DAW1: variants seen among roughly 807,000 people sequenced by gnomAD.
The protein encoded by DAW1 is dynein assembly factor with WD repeat domains 1.
Under a neutral mutation model 56.5 loss-of-function variants are expected in DAW1, and 47 were observed. The observed-to-expected ratio is 0.83, with a 90% confidence interval of 0.66 to 1.06. DAW1 has a LOEUF of 1.06. Among genes scored for constraint, DAW1 ranks in the 50% least tolerant of loss-of-function variants. The pLI is 0.00. For synonymous variants in DAW1, 190 were observed against 179.0 expected (o/e 1.06, Z -0.49); for missense variants, 505 against 499.3 (o/e 1.01, Z -0.11).
At chr2:227,919,211 A>C (rs199573485) in intron 11 of DAW1, among the ~76,000 whole-genome samples, 3 of 4,960 alleles carry the variant, frequency 6.0e-4, no homozygotes, top group South Asian at 9.8e-3. Flanking sequence ...AAAAAAAAGA[A>C]AAAAAAAAAA....
rs1402633153 is a variant in DAW1, at chr2:227,918,835, T to A, written c.1029T>A (p.Gly343=). The A allele has an allele frequency of 1.2e-5, 20 of 1,613,918 alleles. No individual in the cohort carries two copies. Among genetic ancestry groups the A allele is most frequent in the Non-Finnish European group, 1.2e-5 (14 of 1,179,998 alleles). ...GAAAATGCATTGCCAAACTGGAAGG[T>A]CATGAAGGTGAAATTTCAAAGGTGA... ...ATRKCIAKLE[G]HEGEISKISF... Residue 343 remains glycine, a synonymous_variant, in exon 11 of 13, where the codon GGT becomes GGA. Transcript: ENST00000309931.
At chr2:227,885,887 C>A (rs776546658) in intron 2 of DAW1, among the ~76,000 whole-genome samples, 1 of 152,080 alleles carries the variant, frequency 6.6e-6, no homozygotes, top group Non-Finnish European at 1.5e-5. Flanking sequence ...GACATTTAGC[C>A]ATCATGTGTC....
chr2:227,873,957 A>G (rs1457655372), intron 1 of DAW1, among the ~76,000 whole-genome samples: 1 of 152,226 alleles, frequency 6.6e-6, no homozygotes, highest in East Asian at 1.9e-4. Flanking sequence ...CTGGGATTAC[A>G]GATGTGAGCC....
At chr2:227,878,218 C>G (rs1053540282) in intron 1 of DAW1, among the ~76,000 whole-genome samples, 3 of 152,156 alleles carry the variant, frequency 2.0e-5, no homozygotes, top group Non-Finnish European at 4.4e-5. Context: ...TTTATTTACT[C>G]AAGCATTTAT....
At position 227,921,524 on chromosome 2, in the gene DAW1, A is replaced by G; in HGVS notation, c.1176A>G (p.Ser392=). The change falls in exon 12 of 13, where the codon TCA becomes TCG. Residue 392 remains serine, a synonymous_variant. Coordinates refer to ENST00000309931, the MANE Select transcript of DAW1 (RefSeq NM_178821.3). ...AGGGGCACACTGATGAAATCTTTTC[A>G]TGTGCTTTCAACTATAAAGGCAACA... ...VLEGHTDEIF[S]CAFNYKGNIV... The G allele has an allele frequency of 6.2e-7, 1 of 1,613,836 alleles. No homozygotes were observed. Among genetic ancestry groups the G allele is most frequent in the East Asian group, 2.2e-5 (1 of 44,852 alleles).
intron 10 of DAW1, chr2:227,912,470 G>T: frequency 7.7e-7 from 1 of 1,303,778 alleles, no homozygotes. Context: ...CAACAATATG[G>T]TATGCTACAT....
At chr2:227,910,121 G>C (rs1182077136) in intron 10 of DAW1, among the ~76,000 whole-genome samples, 1 of 152,062 alleles carries the variant, frequency 6.6e-6, no homozygotes, top group Non-Finnish European at 1.5e-5. Context: ...ATTGTACTAT[G>C]ACAATTTCCT....
rs751761284 is a variant in DAW1 at position 227,891,332 on chromosome 2, G to A, written c.317+19G>A. ...GCTCATGGTAAGATTCTCTTTTTAT[G>A]TCTAATTTTTAGCAGTGAAACAAAT... On this transcript the variant is annotated intron_variant, in intron 4 of 12. Coordinates refer to ENST00000309931, the MANE Select transcript of DAW1 (RefSeq NM_178821.3). 3.1e-6 allele frequency: 5 copies of A among 1,607,922 alleles called. No individual in the cohort carries two copies. In the African/African-American group the frequency reaches 5.4e-5, roughly 17 times the overall value.
intron 2 of DAW1, among the ~76,000 whole-genome samples, chr2:227,889,319 A>G (rs6707569): frequency 0.53 from 80,634 of 151,946 alleles, 21,679 homozygotes; most frequent in Admixed American, 0.62. Context: ...CAAGTTTGGC[A>G]TCTGATGAGG....
At chr2:227,916,903 A>C (rs967288857) in intron 10 of DAW1, among the ~76,000 whole-genome samples, 1 of 152,206 alleles carries the variant, frequency 6.6e-6, no homozygotes, top group Admixed American at 6.5e-5. Flanking sequence ...ATTGATGATC[A>C]TGTATGATGC....
intron 4 of DAW1, 129 bp downstream of exon 4, chr2:227,891,442 A>C: frequency 1.3e-6 from 1 of 746,970 alleles, no homozygotes. Flanking sequence ...TTGGATACTG[A>C]GGAGAAATAT....
At chr2:227,898,863 T>G (rs561542696) in intron 6 of DAW1, among the ~76,000 whole-genome samples, 2 of 152,328 alleles carry the variant, frequency 1.3e-5, no homozygotes, top group Admixed American at 6.5e-5. Context: ...TAACCAATCT[T>G]ACTTTTTAAT....
chr2:227,907,877 A>G (rs1691724017), intron 10 of DAW1, among the ~76,000 whole-genome samples: 1 of 152,178 alleles, frequency 6.6e-6, no homozygotes, highest in South Asian at 2.1e-4. Context: ...ATGTTACCCT[A>G]TGTTGGCCTT....
chr2:227,879,079 C>G (rs898924418), intron 1 of DAW1, among the ~76,000 whole-genome samples: 1 of 152,132 alleles, frequency 6.6e-6, no homozygotes, highest in Non-Finnish European at 1.5e-5. Context: ...AGCCACCATG[C>G]CTGGCTTCTC....
intron 5 of DAW1, among the ~76,000 whole-genome samples, chr2:227,894,645 G>A (rs2106197762): frequency 6.6e-6 from 1 of 152,140 alleles, no homozygotes; most frequent in South Asian, 2.1e-4. Context: ...TGCCAGGCAG[G>A]AAAAAAATGT....
At chr2:227,872,705 C>T (rs1053553655) in intron 1 of DAW1, among the ~76,000 whole-genome samples, 1 of 149,830 alleles carries the variant, frequency 6.7e-6, no homozygotes, top group Non-Finnish European at 1.5e-5. Context: ...CCCCAACCCC[C>T]GGCATTCCGT....
chr2:227,903,626 G>T (rs995614820), intron 7 of DAW1, among the ~76,000 whole-genome samples: 2 of 149,020 alleles, frequency 1.3e-5, no homozygotes, highest in African/African-American at 2.5e-5. Flanking sequence ...GCACCTCCCC[G>T]CCATCTGTCA....
chr2:227,887,137 G>T (rs2106192132), intron 2 of DAW1, among the ~76,000 whole-genome samples: 1 of 152,306 alleles, frequency 6.6e-6, no homozygotes, highest in South Asian at 2.1e-4. Flanking sequence ...GATGGTCTAT[G>T]TAGGGTCCAA....
In DAW1 at chr2:227,898,268, A is replaced by G. The variant is rs973315880; in HGVS notation, c.527A>G (p.His176Arg). 3 of 1,536,828 alleles carry G rather than the reference A, an allele frequency of 2.0e-6. No homozygotes were observed. The highest frequency in any genetic ancestry group is 2.6e-6 in the Non-Finnish European group (3 of 1,135,930). ...AAATGTTACCATACCTTCAGGGGTCATACAGCAGAAATAGTGAGTATATTT... is the reference window on the plus strand; with the variant it reads ...AAATGTTACCATACCTTCAGGGGTCGTACAGCAGAAATAGTGAGTATATTT... ...TGKCYHTFRG[H>R]TAEIVCLSFN... The change falls in exon 6 of 13, where the codon CAT becomes CGT. Residue 176 changes from histidine (H) to arginine (R), a missense_variant. His to Arg is a conservative substitution (Grantham distance 29, BLOSUM62 0). Transcript: ENST00000309931.
Sources: allele counts gnomAD v4.1 joint callset (sites outside exome capture counted in the v4.1 genomes callset), GRCh38; gene constraint gnomAD v4.1.1; transcripts MANE v1.5; gene names NCBI Gene and HGNC (gene_info 2026-07-23, HGNC 2026-07-21).